Variants in PAN3 observed in about 807,000 individuals in gnomAD.
PAN3 encodes the protein PAN2-PAN3 deadenylation complex subunit PAN3.
A neutral mutation model predicts 96.2 loss-of-function variants in PAN3; 19 were observed. The ratio of observed to expected loss-of-function variants is 0.20; its 90% CI spans 0.14 to 0.29. The LOEUF is 0.29. PAN3 is among the 10% of genes least tolerant of loss of function. The pLI, the probability that PAN3 is intolerant of heterozygous loss-of-function variation, is 1.00. For synonymous variants in PAN3, 433 were observed against 406.6 expected, an observed-to-expected ratio of 1.06 and a Z score of -0.78; for missense variants, 882 against 1,108.1, an observed-to-expected ratio of 0.80 and a Z score of 2.90.
chr13:28,280,436 G>A lies in PAN3; in HGVS notation c.2214G>A (p.Arg738=), dbSNP rs776042486. The A allele has an allele frequency of 5.0e-6, 8 of 1,611,722 alleles. No individual in the cohort carries two copies. In the South Asian group the frequency reaches 6.6e-5, roughly 13 times the overall value. The change falls in exon 16 of 19, where the codon AGG becomes AGA. Residue 738 remains arginine (R), a synonymous_variant. Coordinates refer to ENST00000380958, the MANE Select transcript of PAN3 (RefSeq NM_175854.8). ...GGTATTTGTTGACTGACCAAAACAG[G>A]ATGCGAAGTGTAAATGACATCATGC... The part of the protein sequence containing the change: ...LILYLLTDQN[R]MRSVNDIMPM...
At chr13:28,263,021 T>C (rs1228192311) in intron 9 of PAN3, among the ~76,000 whole-genome samples, 4 of 152,170 alleles carry the variant, frequency 2.6e-5, no homozygotes, top group African/African-American at 9.7e-5. Flanking sequence ...AGAATTCCAG[T>C]CAAAGCATAA....
At chr13:28,193,394 A>G (rs1877531196) in intron 4 of PAN3, among the ~76,000 whole-genome samples, 1 of 152,120 alleles carries the variant, frequency 6.6e-6, no homozygotes, top group African/African-American at 2.4e-5. Context: ...AAATGAAGAA[A>G]CGTAATTTAA....
At chr13:28,238,754 T>TA (rs1883330626) in intron 6 of PAN3, among the ~76,000 whole-genome samples, 1 of 152,246 alleles carries the variant, frequency 6.6e-6, no homozygotes, top group South Asian at 2.1e-4. Flanking sequence ...GTTTCAGTGT[T>TA]ATGAAATTAG....
intron 1 of PAN3, among the ~76,000 whole-genome samples, chr13:28,141,037 C>A (rs1382285349): frequency 7.6e-6 from 1 of 131,056 alleles, no homozygotes; most frequent in Non-Finnish European, 1.5e-5. Flanking sequence ...CGGAGGCTTG[C>A]TTGTCGTCCA....
intron 6 of PAN3, among the ~76,000 whole-genome samples, chr13:28,225,369 G>A (rs1881885100): frequency 6.6e-6 from 1 of 152,132 alleles, no homozygotes; most frequent in African/African-American, 2.4e-5. Flanking sequence ...TTAAAGTTCT[G>A]TGCCAAAAAA....
intron 5 of PAN3, among the ~76,000 whole-genome samples, chr13:28,208,695 A>G (rs938568339): frequency 3.9e-5 from 6 of 152,148 alleles, no homozygotes; most frequent in Admixed American, 1.3e-4. Flanking sequence ...CTGATTAGGG[A>G]TACCTAGTTT....
chr13:28,254,885 A>G (rs758406501), intron 6 of PAN3, among the ~76,000 whole-genome samples: 34 of 152,116 alleles, frequency 2.2e-4, no homozygotes, highest in Non-Finnish European at 3.1e-4. Flanking sequence ...TTGACTTTGC[A>G]TGTATGTCCT....
At chr13:28,246,958 A>G (rs993216705) in intron 6 of PAN3, among the ~76,000 whole-genome samples, 1 of 152,146 alleles carries the variant, frequency 6.6e-6, no homozygotes, top group Non-Finnish European at 1.5e-5. Flanking sequence ...GCTGGATCAT[A>G]TGGCAGTTCT....
At chr13:28,245,392 T>A (rs1212003306) in intron 6 of PAN3, among the ~76,000 whole-genome samples, 1 of 115,180 alleles carries the variant, frequency 8.7e-6, no homozygotes, top group Non-Finnish European at 1.7e-5. Flanking sequence ...AGTGGGTTCC[T>A]TTTTTTTTTT....
At chr13:28,190,656 A>T (rs1015997157) in intron 4 of PAN3, among the ~76,000 whole-genome samples, 1 of 152,196 alleles carries the variant, frequency 6.6e-6, no homozygotes, top group Non-Finnish European at 1.5e-5. Context: ...TAAAGGTAAG[A>T]GGTTTAATTG....
intron 5 of PAN3, among the ~76,000 whole-genome samples, chr13:28,202,952 T>G (rs1203727053): frequency 6.6e-6 from 1 of 152,158 alleles, no homozygotes; most frequent in Admixed American, 6.6e-5. Context: ...AATTTTTTTC[T>G]TTCTTTCTTT....
At chr13:28,210,619 A>C (rs1412817216) in intron 5 of PAN3, among the ~76,000 whole-genome samples, 1 of 151,960 alleles carries the variant, frequency 6.6e-6, no homozygotes, top group African/African-American at 2.4e-5. Context: ...TTTTTTAATT[A>C]AACTTTGCAG....
At chr13:28,178,001 A>C in intron 4 of PAN3, 66 bp downstream of exon 4, 1 of 1,412,296 alleles carries the variant, frequency 7.1e-7, no homozygotes, top group Non-Finnish European at 9.9e-7. Flanking sequence ...ATTGTTACCT[A>C]TGTAGTGTCA....
intron 5 of PAN3, among the ~76,000 whole-genome samples, chr13:28,204,266 T>C (rs1879092833): frequency 6.6e-6 from 1 of 152,252 alleles, no homozygotes. Flanking sequence ...GATGTTTACC[T>C]ATCACTGGAT....
chr13:28,138,828 T>C lies in PAN3; in HGVS notation c.171T>C (p.Thr57=). Residue 57 remains threonine, a synonymous_variant, in exon 1 of 19, where the codon ACT becomes ACC. Coordinates refer to ENST00000380958, the MANE Select transcript of PAN3 (RefSeq NM_175854.8). ...KYCRYYAKDK[T]CFYGEECQFL... is the part of the protein sequence containing the mutation. ...GCCGCTACTACGCTAAGGATAAGAC[T>C]TGCTTCTACGGGGAGGAGTGTCAGT... 7.1e-7 allele frequency: 1 copy of C among 1,415,300 alleles called. No individual in the cohort carries two copies. Among genetic ancestry groups the C allele is most frequent in the Non-Finnish European group, 9.2e-7 (1 of 1,088,512 alleles). The allele number at this position is 1,415,300 out of a possible 1,614,324, so 87.7% of individuals were successfully genotyped here.
chr13:28,139,086 A>C lies in PAN3; in HGVS notation c.429A>C (p.Ala143=). 1 of 1,265,290 alleles carries C rather than the reference A, an allele frequency of 7.9e-7. No individual in the cohort carries two copies. Among genetic ancestry groups the C allele is most frequent in the Non-Finnish European group, 9.9e-7 (1 of 1,006,816 alleles). 78.4% of individuals were successfully genotyped at this position (1,265,290 alleles called of 1,614,324 possible). ...GGGGACTCGATGGACCGCGGCTGGC[A>C]AGTGAGTGTTTTTCGGGCGGGGCGG... ...SSGGLDGPRL[A]IPGMDGGALT... is the part of the protein sequence containing the mutation. Residue 143 remains alanine, a splice_region_variant and synonymous_variant, in exon 1 of 19, where the codon GCA becomes GCC. Coordinates refer to ENST00000380958, the MANE Select transcript of PAN3 (RefSeq NM_175854.8).
rs78032457 is a variant in PAN3, at chr13:28,156,581, C to T, written c.430+17494C>T. 2.9e-4 allele frequency among the ~76,000 whole-genome samples: 44 copies of T among 152,266 alleles called. No homozygotes were observed. The East Asian group carries it at 6.2e-3, about 21-fold the overall frequency. On this transcript the variant is annotated intron_variant, in intron 1 of 18. Transcript: ENST00000380958. ...TTCAATGACCAGCATCATCCTGATA[C>T]CAAAACCTGGCAGAGACTCAACAAA...
chr13:28,147,209 G>A (rs932499210), intron 1 of PAN3, among the ~76,000 whole-genome samples: 2 of 152,008 alleles, frequency 1.3e-5, no homozygotes, highest in Non-Finnish European at 2.9e-5. Flanking sequence ...CTAGTCATTC[G>A]GTCTGTGTGA....
At chr13:28,184,686 A>G (rs1876238066) in intron 4 of PAN3, among the ~76,000 whole-genome samples, 1 of 152,188 alleles carries the variant, frequency 6.6e-6, no homozygotes, top group South Asian at 2.1e-4. Context: ...TCTTGAAAAC[A>G]CTGGGCTATA....
Sources: allele counts gnomAD v4.1 joint callset (sites outside exome capture counted in the v4.1 genomes callset), GRCh38; gene constraint gnomAD v4.1.1; transcripts MANE v1.5; gene names NCBI Gene and HGNC (gene_info 2026-07-23, HGNC 2026-07-21).